Variants in PLEKHM3 observed in about 807,000 individuals in gnomAD.
PLEKHM3 encodes pleckstrin homology domain containing M3.
In PLEKHM3, 45 loss-of-function variants were observed where a neutral mutation model predicts 81.8. The observed-to-expected ratio is 0.55, with a 90% CI of 0.43 to 0.71. PLEKHM3 has a LOEUF of 0.71. Among genes scored for constraint, PLEKHM3 ranks in the 30% least tolerant of loss-of-function variants. PLEKHM3 has a pLI of 0.00. For synonymous variants in PLEKHM3, 352 were observed against 356.4 expected (o/e 0.99, Z 0.14); for missense variants, 788 against 924.3 (o/e 0.85, Z 1.91).
chr2:208,010,310 C>T (rs1286591163), intron 1 of PLEKHM3, among the ~76,000 whole-genome samples: 2 of 152,214 alleles, frequency 1.3e-5, no homozygotes, highest in African/African-American at 2.4e-5. Context: ...CTGAAGGCAG[C>T]AGTGTTACTG....
At chr2:207,882,370 G>A (rs1687722046) in intron 6 of PLEKHM3, among the ~76,000 whole-genome samples, 1 of 151,632 alleles carries the variant, frequency 6.6e-6, no homozygotes, top group Non-Finnish European at 1.5e-5. Flanking sequence ...ATAGCACTTT[G>A]GGAGGCTGAG....
intron 4 of PLEKHM3, among the ~76,000 whole-genome samples, chr2:207,941,865 T>C (rs751934378): frequency 6.6e-6 from 1 of 152,148 alleles, no homozygotes; most frequent in Non-Finnish European, 1.5e-5. Context: ...TGTTAAAAAA[T>C]GCTCAACATC....
chr2:208,013,303 G>T (rs1692762078), intron 1 of PLEKHM3, among the ~76,000 whole-genome samples: 1 of 151,852 alleles, frequency 6.6e-6, no homozygotes, highest in Non-Finnish European at 1.5e-5. Context: ...AGATCACGAG[G>T]TCAGGAGTTT....
At chr2:207,970,328 C>G (rs1010383762) in intron 3 of PLEKHM3, among the ~76,000 whole-genome samples, 1 of 151,544 alleles carries the variant, frequency 6.6e-6, no homozygotes, top group East Asian at 1.9e-4. Context: ...AATGCCCCCC[C>G]ACCCCCCACC....
At chr2:207,944,776 G>A (rs904505997) in intron 4 of PLEKHM3, among the ~76,000 whole-genome samples, 5 of 152,068 alleles carry the variant, frequency 3.3e-5, no homozygotes, top group Non-Finnish European at 7.4e-5. Flanking sequence ...TATTGTTCAC[G>A]CAATTCCATC....
chr2:207,890,161 C>A (rs1264260049), intron 6 of PLEKHM3, among the ~76,000 whole-genome samples: 1 of 152,064 alleles, frequency 6.6e-6, no homozygotes, highest in South Asian at 2.1e-4. Flanking sequence ...ATTCTTGTCA[C>A]GAGGTGACAT....
chr2:207,899,255 T>A (rs1688342280), intron 6 of PLEKHM3, among the ~76,000 whole-genome samples: 1 of 152,194 alleles, frequency 6.6e-6, no homozygotes, highest in African/African-American at 2.4e-5. Flanking sequence ...CTTCTGGTTA[T>A]CCTTCTAGTC....
At chr2:207,893,234 G>C (rs551612802) in intron 6 of PLEKHM3, among the ~76,000 whole-genome samples, 16 of 152,332 alleles carry the variant, frequency 1.1e-4, no homozygotes, top group Admixed American at 9.8e-4. Flanking sequence ...AAAGCCTTTT[G>C]TGGCCAAAAT....
rs775361697 is a variant in PLEKHM3, at chr2:207,977,422, G to A, written c.775C>T (p.Leu259Phe). 9 of 1,614,194 alleles carry A rather than the reference G, an allele frequency of 5.6e-6. No individual in the cohort carries two copies. Among genetic ancestry groups the A allele is most frequent in the Non-Finnish European group, 6.8e-6 (8 of 1,180,028 alleles). ...GNQNLYATYQ[L>F]SHFQSISVLG... is the part of the protein sequence containing the mutation. ...ACAGATATGCTCTGGAAGTGTGAAA[G>A]CTGGTACGTGGCATAAAGGTTTTGA... is the stretch of plus-strand genomic sequence containing the variant. The change falls in exon 3 of 8, where the codon CTT becomes TTT. Residue 259 changes from leucine (L) to phenylalanine (F), a missense_variant. Leu to Phe is a conservative substitution (Grantham distance 22, BLOSUM62 0). Transcript: ENST00000427836.
rs140627119 is a variant in PLEKHM3 at position 207,871,532 on chromosome 2, G to T, written c.1951-10270C>A. Among the ~76,000 whole-genome samples, 9 of 152,214 alleles carry T rather than the reference G, an allele frequency of 5.9e-5. No homozygotes were observed. In the East Asian group the frequency reaches 1.7e-3, roughly 29 times the overall value. On this transcript the variant is annotated intron_variant, in intron 6 of 7. Coordinates refer to ENST00000427836, the MANE Select transcript of PLEKHM3 (RefSeq NM_001080475.3). ...TCTCTGCTGGAAACTAGGTCTTAGG[G>T]AATAAAAGATTTAAAAAATTTCAAT... is the stretch of plus-strand genomic sequence containing the variant.
In PLEKHM3 at chr2:207,857,847, T is replaced by C. The variant is rs552950338; in HGVS notation, c.2108+3258A>G. 4.6e-4 allele frequency among the ~76,000 whole-genome samples: 70 copies of C among 151,726 alleles called. 2 individuals are homozygous for C. The South Asian group carries it at 0.015, about 32-fold the overall frequency. ...TTGATATCGGCTCTAATCTTTATTCTTTCCTTCCTTCTGCTTGCTTTGGAT... is the reference window on the plus strand; with the variant it reads ...TTGATATCGGCTCTAATCTTTATTCCTTCCTTCCTTCTGCTTGCTTTGGAT... On this transcript the variant is annotated intron_variant, in intron 7 of 7. Coordinates refer to ENST00000427836, the MANE Select transcript of PLEKHM3 (RefSeq NM_001080475.3).
intron 4 of PLEKHM3, 72 bp from the exon 5 acceptor site, chr2:207,931,191 A>G (rs920017554): frequency 8.8e-5 from 118 of 1,333,744 alleles, no homozygotes; most frequent in Non-Finnish European, 1.1e-4. Flanking sequence ...ACTAGGAACC[A>G]TAGCTGAAAT....
At position 207,889,785 on chromosome 2, in the gene PLEKHM3, C is replaced by T. The variant is rs781711159; in HGVS notation, c.1950+18729G>A. Among the ~76,000 whole-genome samples, 58 of 152,060 alleles carry T rather than the reference C, an allele frequency of 3.8e-4. 2 individuals carry two copies. Among genetic ancestry groups the T allele is most frequent in the Non-Finnish European group, 2.9e-5 (2 of 68,008 alleles). ...CTCCCTTCCTCCTGCCACCCCCAGC[C>T]CTTCTACATTCACACATTTTCCCTC... On this transcript the variant is annotated intron_variant, in intron 6 of 7. Coordinates refer to ENST00000427836, the MANE Select transcript of PLEKHM3 (RefSeq NM_001080475.3).
intron 5 of PLEKHM3, among the ~76,000 whole-genome samples, chr2:207,923,717 T>C (rs1390090424): frequency 1.3e-5 from 2 of 151,232 alleles, no homozygotes; most frequent in Non-Finnish European, 2.9e-5. Context: ...ATTTGGCTCT[T>C]AGAGAACCTT....
At chr2:207,941,503 T>C (rs373790913) in intron 4 of PLEKHM3, among the ~76,000 whole-genome samples, 28 of 152,290 alleles carry the variant, frequency 1.8e-4, no homozygotes, top group African/African-American at 6.3e-4. Flanking sequence ...ATGTAAGACC[T>C]GACAAATAAA....
In PLEKHM3 at chr2:207,902,855, C is replaced by CCCATCCAACCAT. The variant is rs1574389017; in HGVS notation, c.1950+5658_1950+5659insATGGTTGGATGG. Among the ~76,000 whole-genome samples the CCCATCCAACCAT allele has an allele frequency of 2.3e-5, 3 of 131,656 alleles. No homozygotes were observed. In the East Asian group the frequency reaches 6.4e-4, roughly 28 times the overall value. 86.4% of individuals were successfully genotyped at this position (131,656 alleles called of 152,430 possible). A position where few individuals can be genotyped will look rare whatever the true frequency, so the allele number is the denominator to read the frequency against. ...ATCCACCCACCCACCCATCCACCCA[C>CCCATCCAACCAT]CCATCCATCCATCCACTGAACATTT... On this transcript the variant is annotated intron_variant, in intron 6 of 7. Coordinates refer to ENST00000427836, the MANE Select transcript of PLEKHM3 (RefSeq NM_001080475.3).
At chr2:207,968,101 T>C (rs773179184) in intron 3 of PLEKHM3, among the ~76,000 whole-genome samples, 2 of 151,580 alleles carry the variant, frequency 1.3e-5, no homozygotes, top group African/African-American at 4.8e-5. Context: ...AGTATGTGCA[T>C]TGTTTTGAGG....
chr2:207,937,489 G>A (rs536622486), intron 4 of PLEKHM3, among the ~76,000 whole-genome samples: 4 of 151,764 alleles, frequency 2.6e-5, no homozygotes, highest in Non-Finnish European at 5.9e-5. Flanking sequence ...AGGAATGCTT[G>A]AGTGCCAGAG....
intron 4 of PLEKHM3, among the ~76,000 whole-genome samples, chr2:207,933,648 C>T (rs1415434466): frequency 6.6e-6 from 1 of 152,080 alleles, no homozygotes; most frequent in Non-Finnish European, 1.5e-5. Flanking sequence ...TCAGGTGGTA[C>T]TTAAGCCCGA....
Sources: allele counts gnomAD v4.1 joint callset (sites outside exome capture counted in the v4.1 genomes callset), GRCh38; gene constraint gnomAD v4.1.1; transcripts MANE v1.5; gene names NCBI Gene and HGNC (gene_info 2026-07-23, HGNC 2026-07-21).